The following SPAG16 variants were observed in gnomAD, a reference collection of about 807,000 sequenced individuals.
SPAG16 encodes sperm associated antigen 16.
A neutral mutation model predicts 80.4 loss-of-function variants in SPAG16; 86 were observed. That is an observed-to-expected ratio of 1.07 (90% CI 0.90 to 1.28). The LOEUF (loss-of-function observed/expected upper bound fraction) is 1.28, where lower values mean the gene tolerates loss of function less well. Among genes scored for constraint, SPAG16 ranks in the 50% most tolerant of loss-of-function variants. SPAG16 has a pLI of 0.00. For missense variants in SPAG16, 870 were observed against 765.3 expected, an observed-to-expected ratio of 1.14 and a Z score of -1.61; for synonymous variants, 294 against 265.9, an observed-to-expected ratio of 1.11 and a Z score of -1.03.
At chr2:213,745,880 CT>C (rs1284554571) in intron 10 of SPAG16, among the ~76,000 whole-genome samples, 1 of 152,150 alleles carries the variant, frequency 6.6e-6, no homozygotes, top group African/African-American at 2.4e-5. Flanking sequence ...TGATGGTACA[CT>C]TTTAACACAG....
At chr2:213,824,665 A>G (rs1310881248) in intron 10 of SPAG16, among the ~76,000 whole-genome samples, 1 of 152,174 alleles carries the variant, frequency 6.6e-6, no homozygotes, top group Non-Finnish European at 1.5e-5. Context: ...GTTTGAAGTC[A>G]GGTAATGTGA....
intron 10 of SPAG16, among the ~76,000 whole-genome samples, chr2:213,490,574 G>A (rs189442191): frequency 1.1e-3 from 170 of 152,072 alleles, no homozygotes; most frequent in African/African-American, 1.7e-3. Flanking sequence ...ATGAATCTGC[G>A]TATTTATATT....
intron 10 of SPAG16, among the ~76,000 whole-genome samples, chr2:213,836,948 T>TTC (rs3045010): frequency 8.6e-5 from 13 of 150,666 alleles, no homozygotes; most frequent in African/African-American, 1.5e-4. Flanking sequence ...CAACAGTGCC[T>TTC]TCTCTCTCTC....
chr2:213,778,647 A>G (rs1374350284), intron 10 of SPAG16, among the ~76,000 whole-genome samples: 1 of 151,966 alleles, frequency 6.6e-6, no homozygotes, highest in Non-Finnish European at 1.5e-5. Flanking sequence ...CTTCTTTTCC[A>G]TGGTATATTA....
At chr2:213,725,526 T>G (rs933981) in intron 10 of SPAG16, among the ~76,000 whole-genome samples, 140,755 of 152,210 alleles carry the variant, frequency 0.92, 66,121 homozygotes, top group East Asian at 1. Context: ...ACAAAGGACT[T>G]CCCCATAGCA....
At chr2:213,291,012 G>C (rs1009092205) in intron 1 of SPAG16, among the ~76,000 whole-genome samples, 2 of 152,138 alleles carry the variant, frequency 1.3e-5, no homozygotes, top group Admixed American at 6.5e-5. Flanking sequence ...GATATTCCTG[G>C]ATATCTGTTG....
At chr2:213,323,751 TA>T (rs1031208148) in intron 5 of SPAG16, among the ~76,000 whole-genome samples, 1 of 151,772 alleles carries the variant, frequency 6.6e-6, no homozygotes, top group African/African-American at 2.4e-5. Context: ...GATGAATGGG[TA>T]AAAAAAATAT....
In SPAG16 at chr2:214,310,863, G is replaced by A. The variant is rs377634958; in HGVS notation, c.1721-99277G>A. Among the ~76,000 whole-genome samples, 95 of 152,244 alleles carry A rather than the reference G, an allele frequency of 6.2e-4. 2 individuals carry two copies. The East Asian group carries it at 0.012, about 20-fold the overall frequency. The stretch of plus-strand genomic sequence containing the variant: ...CCCCCAACACCAAACAGATGACTCT[G>A]CAGTTAGTTGGTTTACACTGTTTTG... On this transcript the variant is annotated intron_variant, in intron 15 of 15. Transcript: ENST00000331683.
At chr2:213,774,458 T>A (rs2069446439) in intron 10 of SPAG16, among the ~76,000 whole-genome samples, 1 of 152,244 alleles carries the variant, frequency 6.6e-6, no homozygotes, top group South Asian at 2.1e-4. Context: ...TGTGGTCATC[T>A]TCTTTTAAGG....
At chr2:214,032,570 A>C (rs1454282893) in intron 13 of SPAG16, among the ~76,000 whole-genome samples, 1 of 152,216 alleles carries the variant, frequency 6.6e-6, no homozygotes, top group Non-Finnish European at 1.5e-5. Flanking sequence ...TGAGTTTCTG[A>C]CATCTAGAAT....
intron 15 of SPAG16, among the ~76,000 whole-genome samples, chr2:214,179,512 G>A (rs1009634420): frequency 2.0e-5 from 3 of 151,250 alleles, no homozygotes; most frequent in Non-Finnish European, 3.0e-5. Flanking sequence ...GCTCCATGAC[G>A]TCAAAAACAC....
chr2:213,305,706 TC>T (rs1457537305), intron 3 of SPAG16, among the ~76,000 whole-genome samples: 1 of 152,184 alleles, frequency 6.6e-6, no homozygotes, highest in Non-Finnish European at 1.5e-5. Context: ...CAAGGATGAA[TC>T]CCACTTGGTC....
intron 10 of SPAG16, among the ~76,000 whole-genome samples, chr2:213,554,700 G>T (rs1482334964): frequency 1.3e-5 from 2 of 151,158 alleles, no homozygotes; most frequent in Non-Finnish European, 2.9e-5. Context: ...TTCTAGAGCT[G>T]AAAAAATACG....
intron 9 of SPAG16, among the ~76,000 whole-genome samples, chr2:213,458,787 G>A (rs1357166294): frequency 1.3e-5 from 2 of 152,008 alleles, no homozygotes; most frequent in African/African-American, 2.4e-5. Context: ...CATTTTTACT[G>A]TTCTCCCTTT....
intron 15 of SPAG16, among the ~76,000 whole-genome samples, chr2:214,257,785 T>C (rs571808453): frequency 1.3e-5 from 2 of 152,134 alleles, no homozygotes; most frequent in South Asian, 4.1e-4. Flanking sequence ...TATGGATTTA[T>C]ATTTGTAAAT....
At chr2:213,397,155 A>C (rs1232966962) in intron 9 of SPAG16, among the ~76,000 whole-genome samples, 2 of 152,154 alleles carry the variant, frequency 1.3e-5, no homozygotes, top group Non-Finnish European at 2.9e-5. Context: ...AGTGTTTTCC[A>C]GTTTCTGTGC....
At chr2:213,433,915 CTTTTTTT>C (rs33989475) in intron 9 of SPAG16, among the ~76,000 whole-genome samples, 2 of 85,014 alleles carry the variant, frequency 2.4e-5, no homozygotes, top group Admixed American at 2.8e-4. Context: ...TTTTCTTTGT[CTTTTTTT>C]TTTTTTTTTT....
chr2:214,087,419 A>C (rs916067998), intron 13 of SPAG16, among the ~76,000 whole-genome samples: 1 of 152,174 alleles, frequency 6.6e-6, no homozygotes. Flanking sequence ...GGATTATGTT[A>C]ATTCAGTCAT....
At chr2:213,816,405 C>G (rs2072538392) in intron 10 of SPAG16, among the ~76,000 whole-genome samples, 2 of 152,084 alleles carry the variant, frequency 1.3e-5, no homozygotes, top group South Asian at 4.1e-4. Context: ...GGTTAAAATG[C>G]ATAGGCATTT....
Sources: gnomAD v4.1 joint callset for allele counts (sites outside exome capture counted in the v4.1 genomes callset) on GRCh38, gnomAD v4.1.1 for gene constraint, MANE v1.5 for transcripts, NCBI Gene and HGNC (gene_info 2026-07-23, HGNC 2026-07-21) for gene names.